The following TMPRSS2 variants were observed in gnomAD, a reference collection of about 807,000 sequenced individuals.
TMPRSS2 encodes the protein transmembrane serine protease 2.
Under a neutral mutation model 67.4 loss-of-function variants are expected in TMPRSS2, and 59 were observed. The ratio of observed to expected loss-of-function variants is 0.88; its 90% CI spans 0.71 to 1.09. The LOEUF is 1.09. TMPRSS2 is among the 50% of genes least tolerant of loss of function. The pLI, the probability that TMPRSS2 is intolerant of heterozygous loss-of-function variation, is 0.00. For missense variants in TMPRSS2, 668 were observed against 642.7 expected, an observed-to-expected ratio of 1.04 and a Z score of -0.43; for synonymous variants, 257 against 257.0, an observed-to-expected ratio of 1.00 and a Z score of 0.00.
At chr21:41,502,321 T>C in intron 1 of TMPRSS2, 2 of 951,192 alleles carry the variant, frequency 2.1e-6, no homozygotes, top group Non-Finnish European at 2.5e-6. Flanking sequence ...TTGTAGACAC[T>C]GACTCCCACC....
chr21:41,490,956 C>T (rs2091330842), intron 3 of TMPRSS2, among the ~76,000 whole-genome samples: 1 of 152,190 alleles, frequency 6.6e-6, no homozygotes, highest in Non-Finnish European at 1.5e-5. Context: ...CTCCGGAGGT[C>T]TGCCAGGGCG....
rs759744734 is a variant in TMPRSS2 at position 41,507,963 on chromosome 21, C to T, written c.-57+118G>A. 5 of 1,470,978 alleles carry T rather than the reference C, an allele frequency of 3.4e-6. No individual in the cohort carries two copies. The South Asian group carries it at 6.5e-5, about 19-fold the overall frequency. The allele number at this position is 1,470,978 out of a possible 1,614,324, so 91.1% of individuals were successfully genotyped here. On this transcript the variant is annotated intron_variant, in intron 1 of 13. Coordinates refer to ENST00000332149, the MANE Select transcript of TMPRSS2 (RefSeq NM_005656.4). Reference sequence around the variant, plus strand: ...GGGCGCACTCACCTGCCGCGCCGCGCTCCTCACACCCGCTTTCACCTCCGG... The same window carrying T: ...GGGCGCACTCACCTGCCGCGCCGCGTTCCTCACACCCGCTTTCACCTCCGG...
intron 3 of TMPRSS2, among the ~76,000 whole-genome samples, chr21:41,491,651 G>T (rs1026133143): frequency 6.6e-6 from 1 of 152,170 alleles, no homozygotes; most frequent in Non-Finnish European, 1.5e-5. Flanking sequence ...ATGGCTTCCC[G>T]AGTGCCATTT....
At chr21:41,498,068 A>T (rs2091397515) in intron 2 of TMPRSS2, 51 bp downstream of exon 2, 1 of 1,366,916 alleles carries the variant, frequency 7.3e-7, no homozygotes, top group Admixed American at 1.8e-5. Context: ...GAATAACAGA[A>T]GGGACAAGGG....
At chr21:41,468,565 C>A in intron 11 of TMPRSS2, 27 bp from the exon 12 acceptor site, 1 of 1,612,384 alleles carries the variant, frequency 6.2e-7, no homozygotes, top group South Asian at 1.1e-5. Flanking sequence ...TTGTTGAGCT[C>A]CCAGTGTTGC....
At position 41,476,479 on chromosome 21, in the gene TMPRSS2, T is replaced by C. The variant is rs899990100; in HGVS notation, c.727+98A>G. On this transcript the variant is annotated intron_variant, in intron 8 of 13. Transcript: ENST00000332149. ...ATTCCAACCCGTGACCCCACCTTCTTCCCTCCCACGCCCCCAGAGACACAG... is the reference window on the plus strand; with the variant it reads ...ATTCCAACCCGTGACCCCACCTTCTCCCCTCCCACGCCCCCAGAGACACAG... 7.9e-6 allele frequency: 10 copies of C among 1,262,610 alleles called. No homozygotes were observed. The African/African-American group carries it at 1.5e-4, about 19-fold the overall frequency. 78.2% of individuals were successfully genotyped at this position (1,262,610 alleles called of 1,614,324 possible).
Position 41,508,123 on chromosome 21 carries a change from C to G in TMPRSS2, c.-99G>C. The stretch of plus-strand genomic sequence containing the variant: ...GCGCTCCCCGCCCCTCGCCCTCCGC[C>G]TCCGCCTCCGCCTCCTGCTTAGCTC... On this transcript the variant is annotated 5_prime_UTR_variant, in exon 1 of 14. Coordinates refer to ENST00000332149, the MANE Select transcript of TMPRSS2 (RefSeq NM_005656.4). 1.1e-6 allele frequency: 1 copy of G among 932,248 alleles called. No homozygotes were observed. The highest frequency in any genetic ancestry group is 1.4e-6 in the Non-Finnish European group (1 of 693,622). 57.7% of individuals were successfully genotyped at this position (932,248 alleles called of 1,614,324 possible). A position where few individuals can be genotyped will look rare whatever the true frequency, so the allele number is the denominator to read the frequency against.
intron 1 of TMPRSS2, among the ~76,000 whole-genome samples, chr21:41,502,899 T>A (rs756189119): frequency 2.0e-4 from 30 of 152,218 alleles, no homozygotes; most frequent in Non-Finnish European, 4.1e-4. Context: ...TCTCTCTTTC[T>A]GTTTGTTTTT....
chr21:41,488,170 GAC>G (rs1042503369), intron 5 of TMPRSS2: 8 of 447,214 alleles, frequency 1.8e-5, no homozygotes, highest in Non-Finnish European at 3.3e-5. Context: ...TGGTTCCAAT[GAC>G]ACAGTCCTCG....
At chr21:41,482,813 A>G (rs1455411301) in intron 5 of TMPRSS2, among the ~76,000 whole-genome samples, 1 of 152,246 alleles carries the variant, frequency 6.6e-6, no homozygotes, top group African/African-American at 2.4e-5. Flanking sequence ...AATGCATATT[A>G]CTAAGTAAAG....
chr21:41,470,774 A>G, intron 10 of TMPRSS2, 31 bp from the exon 11 acceptor site: 1 of 751,026 alleles, frequency 1.3e-6, no homozygotes, highest in Non-Finnish European at 2.1e-6. Context: ...ACAGTGAGCC[A>G]GGCGGGTATC....
intron 1 of TMPRSS2, among the ~76,000 whole-genome samples, chr21:41,501,091 C>T (rs2091420780): frequency 6.6e-6 from 1 of 152,214 alleles, no homozygotes; most frequent in African/African-American, 2.4e-5. Context: ...TCAAAACCCA[C>T]ACTTGCTATT....
intron 5 of TMPRSS2, chr21:41,487,378 G>A (rs1419839092): frequency 2.0e-5 from 3 of 152,240 alleles, no homozygotes; most frequent in Non-Finnish European, 4.4e-5. Context: ...AGCTATCAGA[G>A]GCTGGGGGCG....
rs2091072871 is a variant in TMPRSS2, at chr21:41,464,955, G to A, written c.*1187C>T. 4.3e-6 allele frequency: 1 copy of A among 233,198 alleles called. No homozygotes were observed. Among genetic ancestry groups the A allele is most frequent in the Admixed American group, 5.6e-5 (1 of 17,776 alleles). The allele number at this position is 233,198 out of a possible 1,614,324, so 14.4% of individuals were successfully genotyped here. On this transcript the variant is annotated 3_prime_UTR_variant, in exon 14 of 14. Coordinates refer to ENST00000332149, the MANE Select transcript of TMPRSS2 (RefSeq NM_005656.4). ...GGTTATGGCACTTGGCAATGCAAAA[G>A]GGACCCTTCCCCTGGTTGGAAACCC...
At chr21:41,472,422 G>A (rs1324815099) in intron 9 of TMPRSS2, among the ~76,000 whole-genome samples, 1 of 152,190 alleles carries the variant, frequency 6.6e-6, no homozygotes, top group East Asian at 1.9e-4. Context: ...CCTCTTAAGA[G>A]AATCCCAGCT....
At chr21:41,490,605 G>A (rs914502507) in intron 3 of TMPRSS2, among the ~76,000 whole-genome samples, 10 of 152,208 alleles carry the variant, frequency 6.6e-5, no homozygotes, top group Non-Finnish European at 1.0e-4. Context: ...GAAAAAAAAC[G>A]AATTTGGAAA....
intron 1 of TMPRSS2, among the ~76,000 whole-genome samples, chr21:41,505,168 C>T (rs1671575580): frequency 6.6e-6 from 1 of 152,144 alleles, no homozygotes; most frequent in Admixed American, 6.5e-5. Context: ...TTCCTTTCTA[C>T]CTCAATGTCC....
intron 5 of TMPRSS2, chr21:41,487,564 T>C (rs1331445580): frequency 6.6e-6 from 1 of 152,232 alleles, no homozygotes; most frequent in East Asian, 1.9e-4. Context: ...AAGACACGTA[T>C]ATGAGGTAAG....
At chr21:41,475,126 G>T (rs1410048911) in intron 8 of TMPRSS2, among the ~76,000 whole-genome samples, 1 of 15,654 alleles carries the variant, frequency 6.4e-5, no homozygotes, top group Admixed American at 6.3e-4. Flanking sequence ...AGGGTGAAGG[G>T]GTGAGTGAGG....
Sources: allele counts gnomAD v4.1 joint callset (sites outside exome capture counted in the v4.1 genomes callset), GRCh38; gene constraint gnomAD v4.1.1; transcripts MANE v1.5; gene names NCBI Gene and HGNC (gene_info 2026-07-23, HGNC 2026-07-21).